Variants in MAGEB3 observed in about 807,000 individuals in gnomAD.
MAGEB3 encodes the protein MAGE family member B3.
For missense variants in MAGEB3, 191 were observed against 262.4 expected (o/e 0.73, Z 1.88); for synonymous variants, 91 against 93.0 (o/e 0.98, Z 0.12).
intron 1 of MAGEB3, among the ~76,000 whole-genome samples, 190 bp from the exon 2 acceptor site, chrX:30,231,327 G>T (rs1311519071): frequency 9.6e-6 from 1 of 103,855 alleles, no homozygotes; most frequent in South Asian, 4.4e-4. Context: ...CAAATTAGCC[G>T]GGCGTGGTGC....
rs1444902797 is a variant in MAGEB3 at position 30,232,929 on chromosome X, T to G, written c.-164+13T>G. 9.5e-6 allele frequency: 1 copy of G among 105,680 alleles called. No individual in the cohort carries two copies. The allele number at this position is 105,680 out of a possible 1,213,427, so 8.7% of individuals were successfully genotyped here. A position where few individuals can be genotyped will look rare whatever the true frequency, so the allele number is the denominator to read the frequency against. Reference sequence around the variant, plus strand: ...CGCGGACTGGGAGGTGAGCTGCCCCTGTAGTCCCAGCTACCCAGGAGGCTG... The same window carrying G: ...CGCGGACTGGGAGGTGAGCTGCCCCGGTAGTCCCAGCTACCCAGGAGGCTG... On this transcript the variant is annotated intron_variant, in intron 3 of 4. Transcript: ENST00000361644.
Position 30,235,905 on chromosome X carries a change from T to G in MAGEB3, c.-20T>G. On this transcript the variant is annotated 5_prime_UTR_variant, in exon 5 of 5. Coordinates refer to ENST00000361644, the MANE Select transcript of MAGEB3 (RefSeq NM_002365.5). ...CCCTTCTGCTGACACTCCTGCCTGCTGTTCCTGACTACAGCCATCATGCCT... is the reference window on the plus strand; with the variant it reads ...CCCTTCTGCTGACACTCCTGCCTGCGGTTCCTGACTACAGCCATCATGCCT... 8.6e-7 allele frequency: 1 copy of G among 1,162,497 alleles called. No individual in the cohort carries two copies. The highest frequency in any genetic ancestry group is 3.0e-5 in the East Asian group (1 of 33,452).
intron 2 of MAGEB3, among the ~76,000 whole-genome samples, chrX:30,232,103 C>T (rs1214649824): frequency 8.9e-6 from 1 of 111,939 alleles, no homozygotes; most frequent in Non-Finnish European, 1.9e-5. Context: ...CAGTCAGGTT[C>T]GTGGCCTAGC....
In MAGEB3 at chrX:30,231,577, G is replaced by A. The variant is rs1379412986; in HGVS notation, c.-295G>A. The A allele has an allele frequency of 7.2e-5, 7 of 96,956 alleles. No individual in the cohort carries two copies. The highest frequency in any genetic ancestry group is 2.4e-4 in the Admixed American group (2 of 8,346). 8.0% of individuals were successfully genotyped at this position (96,956 alleles called of 1,213,427 possible). Reference sequence around the variant, plus strand: ...TTGGGAGGACGAAGCCAGCCTCATCGCTTAAGCACAGGAGTTCGAGGACTG... The same window carrying A: ...TTGGGAGGACGAAGCCAGCCTCATCACTTAAGCACAGGAGTTCGAGGACTG... On this transcript the variant is annotated 5_prime_UTR_variant, in exon 2 of 5. Transcript: ENST00000361644.
chrX:30,232,382 G>A (rs1416606555), intron 2 of MAGEB3, among the ~76,000 whole-genome samples: 1 of 108,877 alleles, frequency 9.2e-6, no homozygotes. Context: ...CTGGGAGGCC[G>A]AGGCGAGTGA....
rs757687731 is a variant in MAGEB3, at chrX:30,236,465, G to A, written c.541G>A (p.Val181Ile). The change falls in exon 5 of 5, where the codon GTC becomes ATC. Residue 181 changes from valine to isoleucine, a missense_variant. Val to Ile is a conservative substitution (Grantham distance 29, BLOSUM62 3). Coordinates refer to ENST00000361644, the MANE Select transcript of MAGEB3 (RefSeq NM_002365.5). The stretch of plus-strand genomic sequence containing the variant: ...TTCTACCAAGGACTCCTATGTCCTT[G>A]TCAGCAAAATGGATCTCCCCAACAA... Reference protein sequence around the residue: ...VDSTKDSYVLVSKMDLPNNGT... With the variant: ...VDSTKDSYVLISKMDLPNNGT... The A allele has an allele frequency of 8.3e-7, 1 of 1,211,834 alleles. No homozygotes were observed. The highest frequency in any genetic ancestry group is 2.2e-5 in the Admixed American group (1 of 46,088).
Position 30,236,952 on chromosome X carries a change from C to T in MAGEB3, c.1028C>T (p.Ser343Phe). 2 of 1,192,288 alleles carry T rather than the reference C, an allele frequency of 1.7e-6. No homozygotes were observed. The highest frequency in any genetic ancestry group is 2.3e-6 in the Non-Finnish European group (2 of 885,692). ...TGTTCCAAGGCCAAGGCTAGCAGCTCTTCCCACGCCTAGTGAAGTTGAAGC... is the reference window on the plus strand; with the variant it reads ...TGTTCCAAGGCCAAGGCTAGCAGCTTTTCCCACGCCTAGTGAAGTTGAAGC... ...RKCSKAKASSSSHA is the reference protein window; with the variant it reads ...RKCSKAKASSFSHA The change falls in exon 5 of 5, where the codon TCT (serine) becomes TTT (phenylalanine). Residue 343 changes from serine to phenylalanine, a missense_variant. Transcript: ENST00000361644.
chrX:30,233,817 G>A (rs948239948), intron 4 of MAGEB3, among the ~76,000 whole-genome samples: 2 of 111,844 alleles, frequency 1.8e-5, no homozygotes, highest in Non-Finnish European at 3.8e-5. Context: ...GGACCCACAC[G>A]TCTCACCCTT....
Position 30,235,874 on chromosome X carries a change from C to A in MAGEB3, c.-51C>A. 1 of 987,081 alleles carries A rather than the reference C, an allele frequency of 1.0e-6. No homozygotes were observed. Among genetic ancestry groups the A allele is most frequent in the Non-Finnish European group, 1.4e-6 (1 of 712,407 alleles). The allele number at this position is 987,081 out of a possible 1,213,427, so 81.3% of individuals were successfully genotyped here. ...CTCTCTCTCCTCCAGGTGCCTGTAT[C>A]ACCTGCCCTTCTGCTGACACTCCTG... On this transcript the variant is annotated 5_prime_UTR_variant, in exon 5 of 5. Coordinates refer to ENST00000361644, the MANE Select transcript of MAGEB3 (RefSeq NM_002365.5).
At position 30,237,106 on chromosome X, in the gene MAGEB3, C is replaced by G. The variant is rs1925005380; in HGVS notation, c.*141C>G. 2.3e-6 allele frequency: 1 copy of G among 428,811 alleles called. No individual in the cohort carries two copies. Among genetic ancestry groups the G allele is most frequent in the Non-Finnish European group, 3.9e-6 (1 of 257,798 alleles). 35.3% of individuals were successfully genotyped at this position (428,811 alleles called of 1,213,427 possible). ...CTAAATGGATAATTTGAAGTTTTAT[C>G]TGTATTTTGGGGCATATTTTTCAAA... On this transcript the variant is annotated 3_prime_UTR_variant, in exon 5 of 5. Transcript: ENST00000361644.
chrX:30,232,655 C>T (rs1234533237), intron 2 of MAGEB3, among the ~76,000 whole-genome samples, 172 bp from the exon 3 acceptor site: 1 of 104,241 alleles, frequency 9.6e-6, no homozygotes, highest in Non-Finnish European at 2.0e-5. Flanking sequence ...CACGTGTAGT[C>T]CCAGCTATTC....
At position 30,235,989 on chromosome X, in the gene MAGEB3, C is replaced by T. The variant is rs1316757613; in HGVS notation, c.65C>T (p.Thr22Ile). 1.7e-6 allele frequency: 2 copies of T among 1,208,838 alleles called. No homozygotes were observed. Among genetic ancestry groups the T allele is most frequent in the Admixed American group, 2.2e-5 (1 of 45,702 alleles). ...AAACGCCAGCAGACCCGGGGTCAGACCCAGGATCACCAGGGTGCTCAGATC... is the reference window on the plus strand; with the variant it reads ...AAACGCCAGCAGACCCGGGGTCAGATCCAGGATCACCAGGGTGCTCAGATC... ...REKRQQTRGQ[T>I]QDHQGAQITA... The change falls in exon 5 of 5, where the codon ACC becomes ATC. Residue 22 changes from threonine (T) to isoleucine (I), a missense_variant. Transcript: ENST00000361644.
Position 30,237,157 on chromosome X carries a change from C to A in MAGEB3, c.*192C>A. On this transcript the variant is annotated 3_prime_UTR_variant, in exon 5 of 5. Coordinates refer to ENST00000361644, the MANE Select transcript of MAGEB3 (RefSeq NM_002365.5). ...TGTTCCTTTTATTTAACATTGTAAT[C>A]TAAGTTTAGGATTGATACTGGTCAC... The A allele has an allele frequency of 2.6e-6, 1 of 383,177 alleles. No homozygotes were observed. The highest frequency in any genetic ancestry group is 4.5e-6 in the Non-Finnish European group (1 of 219,939). The allele number at this position is 383,177 out of a possible 1,213,427, so 31.6% of individuals were successfully genotyped here.
At position 30,236,008 on chromosome X, in the gene MAGEB3, T is replaced by C. The variant is rs1039392156; in HGVS notation, c.84T>C (p.Ala28=). 4 of 1,208,781 alleles carry C rather than the reference T, an allele frequency of 3.3e-6. No individual in the cohort carries two copies. In the Admixed American group the frequency reaches 8.7e-5, roughly 26 times the overall value. ...GTCAGACCCAGGATCACCAGGGTGC[T>C]CAGATCACTGCAACTAACAAGAAAA... The part of the protein sequence containing the change: ...TRGQTQDHQG[A]QITATNKKKV... Residue 28 remains alanine, a synonymous_variant, in exon 5 of 5, where the codon GCT becomes GCC. Transcript: ENST00000361644.
chrX:30,231,049 CA>C (rs1924763916), intron 1 of MAGEB3, among the ~76,000 whole-genome samples: 1 of 109,769 alleles, frequency 9.1e-6, no homozygotes, highest in Non-Finnish European at 1.9e-5. Flanking sequence ...TGCGGCATCT[CA>C]GGCCTGTAAT....
At chrX:30,232,438 G>A (rs1275302843) in intron 2 of MAGEB3, among the ~76,000 whole-genome samples, 10 of 92,402 alleles carry the variant, frequency 1.1e-4, no homozygotes, top group Non-Finnish European at 1.8e-4. Flanking sequence ...GGGACAACAT[G>A]GCGAAAACCT....
chrX:30,235,498 G>C (rs771510466), intron 4 of MAGEB3, among the ~76,000 whole-genome samples: 1 of 111,273 alleles, frequency 9.0e-6, no homozygotes, highest in South Asian at 3.8e-4. Context: ...GAGGACATTT[G>C]CTGGAGGTGT....
chrX:30,237,044 G>C lies in MAGEB3; in HGVS notation c.*79G>C. 1 of 702,096 alleles carries C rather than the reference G, an allele frequency of 1.4e-6. No homozygotes were observed. The highest frequency in any genetic ancestry group is 2.1e-6 in the Non-Finnish European group (1 of 472,983). The allele number at this position is 702,096 out of a possible 1,213,427, so 57.9% of individuals were successfully genotyped here. On this transcript the variant is annotated 3_prime_UTR_variant, in exon 5 of 5. Transcript: ENST00000361644. ...AAGGAGTGAAGGACTGGGTGTTACTGGAGGGAACACACTGTATAATACCTT... is the reference window on the plus strand; with the variant it reads ...AAGGAGTGAAGGACTGGGTGTTACTCGAGGGAACACACTGTATAATACCTT...
In MAGEB3 at chrX:30,236,413, A is replaced by G. The variant is rs2071310; in HGVS notation, c.489A>G (p.Val163=). The G allele has an allele frequency of 0.45, 549,733 of 1,208,338 alleles. 84,055 individuals are homozygous for G. Among genetic ancestry groups the G allele is most frequent in the South Asian group, 0.58 (32,847 of 56,634 alleles). The change falls in exon 5 of 5, where the codon GTA becomes GTG. Residue 163 remains valine (V), a synonymous_variant. Transcript: ENST00000361644. ...LKKASFNMEV[V]FGVDLKKVDS... ...AAGCTTCTTTCAACATGGAGGTGGT[A>G]TTTGGTGTTGATTTAAAGAAAGTTG...
Sources: gnomAD v4.1 joint callset for allele counts (sites outside exome capture counted in the v4.1 genomes callset) on GRCh38, gnomAD v4.1.1 for gene constraint, MANE v1.5 for transcripts, NCBI Gene and HGNC (gene_info 2026-07-23, HGNC 2026-07-21) for gene names.